Variants in KCNJ6 observed in about 807,000 individuals in gnomAD.
KCNJ6 encodes potassium inwardly rectifying channel subfamily J member 6.
A neutral mutation model predicts 34.2 loss-of-function variants in KCNJ6; 9 were observed. That is an observed-to-expected ratio of 0.26 (90% CI 0.16 to 0.46). KCNJ6 has a LOEUF of 0.46. Ranked by LOEUF, KCNJ6 falls within the 20% of genes least tolerant of loss-of-function variation. The pLI is 1.00. For missense variants in KCNJ6, 236 were observed against 531.3 expected, an observed-to-expected ratio of 0.44 and a Z score of 5.46; for synonymous variants, 196 against 207.1, an observed-to-expected ratio of 0.95 and a Z score of 0.46.
chr21:37,646,077 G>T (rs182412395), intron 3 of KCNJ6, among the ~76,000 whole-genome samples: 2 of 152,082 alleles, frequency 1.3e-5, no homozygotes, highest in Non-Finnish European at 2.9e-5. Context: ...AAATGTATGC[G>T]TAATACATTT....
intron 3 of KCNJ6, among the ~76,000 whole-genome samples, chr21:37,625,727 C>G (rs887960921): frequency 6.6e-6 from 1 of 152,234 alleles, no homozygotes; most frequent in Non-Finnish European, 1.5e-5. Flanking sequence ...CCACATTTGC[C>G]TGCATGGCCA....
intron 1 of KCNJ6, among the ~76,000 whole-genome samples, chr21:37,849,446 G>A (rs1037487278): frequency 2.6e-5 from 4 of 152,148 alleles, no homozygotes; most frequent in African/African-American, 9.7e-5. Flanking sequence ...AAGAGGAAAG[G>A]GAACAGATGC....
At chr21:37,914,852 C>T (rs927431590) in intron 1 of KCNJ6, among the ~76,000 whole-genome samples, 4 of 152,014 alleles carry the variant, frequency 2.6e-5, no homozygotes, top group Non-Finnish European at 5.9e-5. Context: ...CTTTGGATAA[C>T]AGCAGTTGGG....
chr21:37,631,070 T>G (rs2054331589), intron 3 of KCNJ6, among the ~76,000 whole-genome samples: 1 of 152,196 alleles, frequency 6.6e-6, no homozygotes, highest in African/African-American at 2.4e-5. Context: ...TTTACAGCAG[T>G]TATATGTGTC....
In KCNJ6 at chr21:37,607,477, T is replaced by TAG. The variant is rs2054227550; in HGVS notation, c.*17681_*17682insCT. ...GAGTTCTTAAAGATATATATATATA[T>TAG]ATATATTTTTTTTTTATTTTAAAAA... On this transcript the variant is annotated 3_prime_UTR_variant, in exon 4 of 4. Coordinates refer to ENST00000609713, the MANE Select transcript of KCNJ6 (RefSeq NM_002240.5). The TAG allele has an allele frequency of 7.4e-6, 1 of 135,494 alleles. No individual in the cohort carries two copies. The highest frequency in any genetic ancestry group is 1.6e-5 in the Non-Finnish European group (1 of 64,054). 8.4% of individuals were successfully genotyped at this position (135,494 alleles called of 1,614,324 possible). A position where few individuals can be genotyped will look rare whatever the true frequency, so the allele number is the denominator to read the frequency against.
rs56195622 is a variant in KCNJ6 at position 37,704,660 on chromosome 21, GTCATCATCATCA to G, written c.946+9539_946+9550del. On this transcript the variant is annotated intron_variant, in intron 3 of 3. Transcript: ENST00000609713. The stretch of plus-strand genomic sequence containing the variant: ...TAGGATGGCCTCAGTATGAGTCGTC[GTCATCATCATCA>G]TCATCATCATCATCTCCAAAAAGGG... Among the ~76,000 whole-genome samples, 605 of 150,580 alleles carry G rather than the reference GTCATCATCATCA, an allele frequency of 4.0e-3. 4 individuals carry two copies. Among genetic ancestry groups the G allele is most frequent in the African/African-American group, 0.014 (560 of 41,116 alleles).
chr21:37,756,403 C>T (rs1425127960), intron 2 of KCNJ6, among the ~76,000 whole-genome samples: 14 of 152,136 alleles, frequency 9.2e-5, no homozygotes, highest in African/African-American at 3.4e-4. Context: ...GCAGGGCTGG[C>T]GTGGGGGCCT....
At chr21:37,882,262 G>A (rs1176064705) in intron 1 of KCNJ6, among the ~76,000 whole-genome samples, 1 of 152,188 alleles carries the variant, frequency 6.6e-6, no homozygotes, top group Non-Finnish European at 1.5e-5. Context: ...GTTGACAGAT[G>A]AGCGTGCTGG....
intron 2 of KCNJ6, among the ~76,000 whole-genome samples, chr21:37,767,137 G>A (rs2055095280): frequency 6.6e-6 from 1 of 152,086 alleles, no homozygotes; most frequent in Non-Finnish European, 1.5e-5. Flanking sequence ...CATTAGTGTT[G>A]GGCACACTGT....
At position 37,607,671 on chromosome 21, in the gene KCNJ6, C is replaced by CCT. The variant is rs1430374633; in HGVS notation, c.*17486_*17487dup. On this transcript the variant is annotated 3_prime_UTR_variant, in exon 4 of 4. Coordinates refer to ENST00000609713, the MANE Select transcript of KCNJ6 (RefSeq NM_002240.5). ...CAGTACTTGAGCCCTACCTGGTGTT[C>CCT]CTTCCTAAAAAGCATGGTGGAAAAG... 3 of 151,886 alleles carry CCT rather than the reference C, an allele frequency of 2.0e-5. No individual in the cohort carries two copies. 9.4% of individuals were successfully genotyped at this position (151,886 alleles called of 1,614,324 possible).
intron 2 of KCNJ6, among the ~76,000 whole-genome samples, chr21:37,764,908 C>T (rs946177648): frequency 5.3e-5 from 8 of 152,152 alleles, no homozygotes; most frequent in Admixed American, 5.2e-4. Context: ...CAAGAGGCAC[C>T]GCAAATATTT....
At chr21:37,740,132 T>C (rs2054933270) in intron 2 of KCNJ6, among the ~76,000 whole-genome samples, 1 of 152,196 alleles carries the variant, frequency 6.6e-6, no homozygotes, top group Non-Finnish European at 1.5e-5. Flanking sequence ...CCAGTAGCTC[T>C]TGTAAACCAA....
At chr21:37,821,283 T>TAACC (rs1284888926) in intron 2 of KCNJ6, among the ~76,000 whole-genome samples, 1 of 152,236 alleles carries the variant, frequency 6.6e-6, no homozygotes, top group Non-Finnish European at 1.5e-5. Context: ...CAATGCTGTA[T>TAACC]AACCACTACC....
intron 3 of KCNJ6, among the ~76,000 whole-genome samples, chr21:37,661,614 G>GTTTTTTTTTTTTTTTTTTTTTTTTTTTTT (rs59026391): frequency 5.6e-5 from 4 of 71,198 alleles, no homozygotes; most frequent in Non-Finnish European, 1.0e-4. Context: ...AAGAGACATA[G>GTTTTTTTTTTTTTTTTTTTTTTTTTTTTT]TTTTTTTTTT....
intron 2 of KCNJ6, among the ~76,000 whole-genome samples, chr21:37,794,669 T>C (rs1015591791): frequency 6.7e-6 from 1 of 149,890 alleles, no homozygotes; most frequent in African/African-American, 2.5e-5. Context: ...TAAGTGGGAG[T>C]TGAACAATGA....
At chr21:37,728,771 G>T (rs1198705157) in intron 2 of KCNJ6, among the ~76,000 whole-genome samples, 10 of 152,226 alleles carry the variant, frequency 6.6e-5, no homozygotes, top group African/African-American at 2.4e-4. Context: ...TCCATTTTAT[G>T]ACCTAGACAC....
rs1296386060 is a variant in KCNJ6, at chr21:37,612,359, G to C, written c.*12800C>G. On this transcript the variant is annotated 3_prime_UTR_variant, in exon 4 of 4. Transcript: ENST00000609713. ...AAAACTGGTGAATGATATCAAAGAA[G>C]AACTAAGTAAATACAGAGATATTCC... 1 of 152,134 alleles carries C rather than the reference G, an allele frequency of 6.6e-6. No individual in the cohort carries two copies. The highest frequency in any genetic ancestry group is 6.5e-5 in the Admixed American group (1 of 15,278). The allele number at this position is 152,134 out of a possible 1,614,324, so 9.4% of individuals were successfully genotyped here.
At chr21:37,858,658 G>A (rs1240230307) in intron 1 of KCNJ6, among the ~76,000 whole-genome samples, 2 of 152,076 alleles carry the variant, frequency 1.3e-5, no homozygotes, top group Non-Finnish European at 2.9e-5. Flanking sequence ...TAAAGTCTTT[G>A]GGAAAATAAA....
At chr21:37,738,907 C>T (rs1041878273) in intron 2 of KCNJ6, among the ~76,000 whole-genome samples, 2 of 152,200 alleles carry the variant, frequency 1.3e-5, no homozygotes, top group African/African-American at 4.8e-5. Context: ...TCTGCAAATT[C>T]CTCTTTGGAT....
Sources: gnomAD v4.1 joint callset for allele counts (sites outside exome capture counted in the v4.1 genomes callset) on GRCh38, gnomAD v4.1.1 for gene constraint, MANE v1.5 for transcripts, NCBI Gene and HGNC (gene_info 2026-07-23, HGNC 2026-07-21) for gene names.